The following CREB1 variants were observed in gnomAD, a reference collection of about 807,000 sequenced individuals.
CREB1 encodes cyclic AMP-responsive element-binding protein 1.
CREB1 carries 2 observed loss-of-function variants against 42.0 expected under a neutral mutation model. That is an observed-to-expected ratio of 0.05 (90% confidence interval 0.02 to 0.15). CREB1 has a LOEUF of 0.15. Ranked by LOEUF, CREB1 falls within the 10% of genes least tolerant of loss-of-function variation. The pLI, the probability that CREB1 is intolerant of heterozygous loss-of-function variation, is 1.00. For synonymous variants in CREB1, 123 were observed against 139.9 expected, an observed-to-expected ratio of 0.88 and a Z score of 0.85; for missense variants, 199 against 388.9, an observed-to-expected ratio of 0.51 and a Z score of 4.11.
At chr2:207,564,228 A>G (rs2082057054) in intron 3 of CREB1, among the ~76,000 whole-genome samples, 1 of 152,152 alleles carries the variant, frequency 6.6e-6, no homozygotes. Flanking sequence ...TCCAATGAGT[A>G]AAACACTGTA....
chr2:207,545,962 C>A (rs372298198), intron 1 of CREB1, among the ~76,000 whole-genome samples: 1 of 151,628 alleles, frequency 6.6e-6, no homozygotes, highest in African/African-American at 2.4e-5. Flanking sequence ...CTTGAACTCC[C>A]GACCTCAGGT....
intron 6 of CREB1, chr2:207,576,731 C>T: frequency 8.6e-7 from 1 of 1,169,134 alleles, no homozygotes. Context: ...CCACTCAAAC[C>T]ATACATTTTA....
chr2:207,547,542 A>G (rs1427364777), intron 1 of CREB1, among the ~76,000 whole-genome samples: 1 of 152,226 alleles, frequency 6.6e-6, no homozygotes, highest in East Asian at 1.9e-4. Context: ...CACTTCATGT[A>G]TAGAGGTTTC....
chr2:207,547,346 G>A (rs530106625), intron 1 of CREB1, among the ~76,000 whole-genome samples: 74 of 152,176 alleles, frequency 4.9e-4, no homozygotes, highest in African/African-American at 1.6e-3. Context: ...ATTTAACTTC[G>A]GGGCATAGTA....
At chr2:207,575,555 A>T in intron 6 of CREB1, 101 bp downstream of exon 6, 1 of 979,956 alleles carries the variant, frequency 1.0e-6, no homozygotes, top group Non-Finnish European at 1.5e-6. Flanking sequence ...ACCACCATTC[A>T]AATGTAGTTA....
chr2:207,536,472 T>C (rs760240859), intron 1 of CREB1, among the ~76,000 whole-genome samples: 1 of 152,026 alleles, frequency 6.6e-6, no homozygotes, highest in South Asian at 2.1e-4. Context: ...GGATAATCAC[T>C]TGGACCTGGA....
intron 1 of CREB1, among the ~76,000 whole-genome samples, chr2:207,541,169 A>G (rs2081085513): frequency 1.3e-5 from 2 of 152,124 alleles, no homozygotes; most frequent in Admixed American, 1.3e-4. Flanking sequence ...CAGTGAGCCG[A>G]GATCGTGCCA....
In CREB1 at chr2:207,584,260, T is replaced by C. The variant is rs189367254; in HGVS notation, c.839+6605T>C. Among the ~76,000 whole-genome samples, 327 of 152,360 alleles carry C rather than the reference T, an allele frequency of 2.1e-3. 2 individuals carry two copies. The highest frequency in any genetic ancestry group is 3.3e-3 in the Non-Finnish European group (225 of 68,030). ...TTGTTTTCCAAAATGGCTGTACCAT[T>C]TTATATTCCCACCAGGAATGTATGA... On this transcript the variant is annotated intron_variant, in intron 7 of 7. Transcript: ENST00000353267.
rs1481930127 is a variant in CREB1, at chr2:207,604,929, T to G, written c.*7871T>G. Among the ~76,000 whole-genome samples, 5 of 152,236 alleles carry G rather than the reference T, an allele frequency of 3.3e-5. No individual in the cohort carries two copies. The highest frequency in any genetic ancestry group is 1.2e-4 in the African/African-American group (5 of 41,458). Reference sequence around the variant, plus strand: ...CATTCCTTTTTATAGCTAAGTATACTTTTTATAGTAAGTATGCCATTGTAG... The same window carrying G: ...CATTCCTTTTTATAGCTAAGTATACGTTTTATAGTAAGTATGCCATTGTAG... On this transcript the variant is annotated 3_prime_UTR_variant, in exon 8 of 8. Transcript: ENST00000353267.
intron 7 of CREB1, among the ~76,000 whole-genome samples, chr2:207,595,163 T>C (rs1049322031): frequency 4.6e-5 from 7 of 151,094 alleles, no homozygotes; most frequent in South Asian, 4.2e-4. Context: ...ACCTGGCTAA[T>C]TTTTGTATTT....
At chr2:207,593,916 G>A (rs1485974192) in intron 7 of CREB1, among the ~76,000 whole-genome samples, 3 of 151,682 alleles carry the variant, frequency 2.0e-5, no homozygotes, top group African/African-American at 7.3e-5. Flanking sequence ...ACAGAGTTTC[G>A]CCATGTTGGC....
intron 3 of CREB1, among the ~76,000 whole-genome samples, chr2:207,564,066 T>C (rs1188832524): frequency 1.3e-5 from 2 of 152,102 alleles, no homozygotes; most frequent in Non-Finnish European, 2.9e-5. Flanking sequence ...TTATCATATC[T>C]CTTTAAGAAC....
At chr2:207,558,493 A>G (rs1216645312) in intron 2 of CREB1, among the ~76,000 whole-genome samples, 1 of 151,986 alleles carries the variant, frequency 6.6e-6, no homozygotes, top group Non-Finnish European at 1.5e-5. Flanking sequence ...TCATAAAATC[A>G]CTTCCCTCGT....
At chr2:207,577,708 T>G in intron 7 of CREB1, 53 bp downstream of exon 7, 1 of 1,584,356 alleles carries the variant, frequency 6.3e-7, no homozygotes, top group Non-Finnish European at 8.6e-7. Flanking sequence ...GTCTTCACAT[T>G]CTGCTGGATG....
chr2:207,600,956 A>G lies in CREB1; in HGVS notation c.*3898A>G, dbSNP rs1447893388. On this transcript the variant is annotated 3_prime_UTR_variant, in exon 8 of 8. Transcript: ENST00000353267. ...TATTTAACAAATTTTTAATTCTATG[A>G]TCAGCCACAGTCAGCTATTACCATA... 5.2e-6 allele frequency: 1 copy of G among 192,624 alleles called. No homozygotes were observed. The highest frequency in any genetic ancestry group is 2.4e-5 in the African/African-American group (1 of 41,682). 11.9% of individuals were successfully genotyped at this position (192,624 alleles called of 1,614,324 possible). A position where few individuals can be genotyped will look rare whatever the true frequency, so the allele number is the denominator to read the frequency against.
At chr2:207,567,130 T>A (rs2082168797) in intron 3 of CREB1, among the ~76,000 whole-genome samples, 1 of 152,206 alleles carries the variant, frequency 6.6e-6, no homozygotes, top group African/African-American at 2.4e-5. Context: ...ATCCATTTTA[T>A]CCTTTATATC....
intron 7 of CREB1, chr2:207,582,808 G>A: frequency 6.3e-6 from 2 of 316,150 alleles, no homozygotes; most frequent in Non-Finnish European, 1.3e-5. Flanking sequence ...CAGAAGAATT[G>A]TGCGAACCTG....
chr2:207,565,534 A>C (rs768939870), intron 3 of CREB1, among the ~76,000 whole-genome samples: 2 of 152,044 alleles, frequency 1.3e-5, no homozygotes, highest in African/African-American at 2.4e-5. Context: ...AGTTAGAAAA[A>C]AAAAGGACAC....
chr2:207,582,691 T>C (rs938593907), intron 7 of CREB1, among the ~76,000 whole-genome samples: 3 of 152,076 alleles, frequency 2.0e-5, no homozygotes, highest in Admixed American at 6.6e-5. Context: ...AGTTCCTTTA[T>C]TAGAAAATGG....
Sources: gnomAD v4.1 joint callset for allele counts (sites outside exome capture counted in the v4.1 genomes callset) on GRCh38, gnomAD v4.1.1 for gene constraint, MANE v1.5 for transcripts, NCBI Gene and HGNC (gene_info 2026-07-23, HGNC 2026-07-21) for gene names.